The following FAT1 variants were observed in gnomAD, a reference collection of about 807,000 sequenced individuals.
FAT1 encodes protocadherin Fat 1.
A neutral mutation model predicts 329.8 loss-of-function variants in FAT1; 171 were observed. The observed-to-expected ratio is 0.52, with a 90% CI of 0.46 to 0.59. The LOEUF (loss-of-function observed/expected upper bound fraction) is 0.59. Among genes scored for constraint, FAT1 ranks in the 20% least tolerant of loss-of-function variants. The probability of loss-of-function intolerance (pLI) is 0.00; values close to 1 mark genes in which losing one functional copy is unlikely to be tolerated. For missense variants in FAT1, 5,672 were observed against 5,774.4 expected, an observed-to-expected ratio of 0.98 and a Z score of 0.57; for synonymous variants, 2,233 against 2,228.6, an observed-to-expected ratio of 1.00 and a Z score of -0.06.
rs544185419 is a variant in FAT1 at position 186,686,275 on chromosome 4, T to G, written c.3265+20288A>C. Among the ~76,000 whole-genome samples, 21 of 147,488 alleles carry G rather than the reference T, an allele frequency of 1.4e-4. No homozygotes were observed. In the South Asian group the frequency reaches 4.7e-3, roughly 33 times the overall value. ...CATTCTGAAGAAAACATGTAGCGATTTTTTTCCTGCATTCTTCCTCCACAT... is the reference window on the plus strand; with the variant it reads ...CATTCTGAAGAAAACATGTAGCGATGTTTTTCCTGCATTCTTCCTCCACAT... On this transcript the variant is annotated intron_variant, in intron 2 of 26. Transcript: ENST00000441802.
rs941170010 is a variant in FAT1 at position 186,613,152 on chromosome 4, C to T, written c.9420G>A (p.Pro3140=). ...CCTGCACTCTTGTCAGCAGCGTTCC[C>T]GGCTCTGTGTTTTCAAACACGGTGA... ...YAITVFENTE[P]GTLLTRVQAT... The change falls in exon 13 of 27, where the codon CCG becomes CCA. Residue 3140 remains proline (P), a synonymous_variant. Transcript: ENST00000441802. 1.4e-5 allele frequency: 22 copies of T among 1,613,200 alleles called. No homozygotes were observed. The highest frequency in any genetic ancestry group is 4.5e-5 in the East Asian group (2 of 44,868).
At chr4:186,719,943 T>G (rs1031855602) in intron 1 of FAT1, among the ~76,000 whole-genome samples, 22 of 152,352 alleles carry the variant, frequency 1.4e-4, no homozygotes, top group Admixed American at 1.2e-3. Context: ...ATTCTTTAGC[T>G]TGAAAATATT....
At chr4:186,649,754 T>C (rs1337410524) in intron 3 of FAT1, among the ~76,000 whole-genome samples, 1 of 152,192 alleles carries the variant, frequency 6.6e-6, no homozygotes, top group African/African-American at 2.4e-5. Context: ...CTCTGTCGTT[T>C]AAATTTATGG....
At position 186,620,652 on chromosome 4, in the gene FAT1, C is replaced by G; in HGVS notation, c.5934G>C (p.Lys1978Asn). 6.2e-7 allele frequency: 1 copy of G among 1,613,980 alleles called. No individual in the cohort carries two copies. Among genetic ancestry groups the G allele is most frequent in the South Asian group, 1.1e-5 (1 of 91,076 alleles). Residue 1978 changes from lysine (K) to asparagine (N), a missense_variant, in exon 10 of 27, where the codon AAG becomes AAC. Physicochemically the swap from Lys to Asn is moderately conservative, Grantham distance 94. Around this residue, in one of 2 missense-constraint regions of FAT1, gnomAD observed 3,966 missense variants for 3,915.2 expected, o/e 1.01. Transcript: ENST00000441802. ...CCGCAGAGTAGACATCCTGGGTAAA[C>G]TTTAGGTGACTTTCTTTGCTTTCTT... ...NVKESKESHLKFTQDVYSAVV... is the reference protein window; with the variant it reads ...NVKESKESHLNFTQDVYSAVV...
In FAT1 at chr4:186,589,071, C is replaced by T. The variant is rs2126355374; in HGVS notation, c.13288G>A (p.Asp4430Asn). The T allele has an allele frequency of 1.9e-6, 3 of 1,613,862 alleles. No homozygotes were observed. The highest frequency in any genetic ancestry group is 4.5e-5 in the East Asian group (2 of 44,864). ...IDTDYYPGGYDIESDFPPPPE... is the reference protein window; with the variant it reads ...IDTDYYPGGYNIESDFPPPPE... ...GGTGGAGGAAAATCACTTTCGATGT[C>T]GTAGCCTCCAGGGTAATAGTCCGTA... Residue 4430 changes from aspartate (D) to asparagine (N), a missense_variant, in exon 27 of 27, where the codon GAC (aspartate) becomes AAC (asparagine). Physicochemically the swap from Asp to Asn is conservative, Grantham distance 23 (BLOSUM62 1). Around this residue, in one of 2 missense-constraint regions of FAT1, gnomAD observed 1,706 missense variants for 1,859.1 expected, o/e 0.92. Coordinates refer to ENST00000441802, the MANE Select transcript of FAT1 (RefSeq NM_005245.4).
intron 2 of FAT1, among the ~76,000 whole-genome samples, chr4:186,697,802 T>G: frequency 6.6e-6 from 1 of 152,216 alleles, no homozygotes; most frequent in East Asian, 1.9e-4. Flanking sequence ...CTGGTCCTCC[T>G]TTATGAGAAT....
At chr4:186,687,405 A>AGAAC (rs1560992813) in intron 2 of FAT1, among the ~76,000 whole-genome samples, 23 of 152,284 alleles carry the variant, frequency 1.5e-4, no homozygotes, top group Admixed American at 7.2e-4. Context: ...AACAAAAAAA[A>AGAAC]AGAACAGCTT....
chr4:186,608,046 C>A (rs964578681), intron 16 of FAT1, among the ~76,000 whole-genome samples: 3 of 152,184 alleles, frequency 2.0e-5, no homozygotes, highest in African/African-American at 7.2e-5. Context: ...CTCTCCCATC[C>A]CTTACACGTT....
chr4:186,673,099 T>C (rs1216190436), intron 2 of FAT1, among the ~76,000 whole-genome samples: 1 of 151,048 alleles, frequency 6.6e-6, no homozygotes, highest in Admixed American at 6.5e-5. Context: ...ATATAAAATA[T>C]GATGCTACTG....
chr4:186,617,526 C>T (rs1264325751), intron 10 of FAT1, among the ~76,000 whole-genome samples, 182 bp downstream of exon 10: 3 of 152,164 alleles, frequency 2.0e-5, no homozygotes, highest in Non-Finnish European at 4.4e-5. Flanking sequence ...CAACTGGTAG[C>T]TTTGCTCAGG....
intron 2 of FAT1, among the ~76,000 whole-genome samples, chr4:186,667,608 C>T (rs1184155730): frequency 6.6e-6 from 1 of 152,134 alleles, no homozygotes; most frequent in Non-Finnish European, 1.5e-5. Flanking sequence ...ATTTCAACTG[C>T]CAAAGGGAGA....
chr4:186,662,031 C>A (rs180916148), intron 3 of FAT1, among the ~76,000 whole-genome samples: 6 of 151,212 alleles, frequency 4.0e-5, no homozygotes, highest in Non-Finnish European at 8.8e-5. Flanking sequence ...GGCCAGCCCC[C>A]CAAACACACA....
chr4:186,596,039 C>T lies in FAT1; in HGVS notation c.13001-213G>A, dbSNP rs1032005837. The stretch of plus-strand genomic sequence containing the variant: ...CCTCCACATCATCTTAGAGATTATT[C>T]ATAGAGTAGAAATCGCCCATAAGCA... On this transcript the variant is annotated intron_variant, in intron 25 of 26. Transcript: ENST00000441802. The surrounding 1 kb of genome is among the most constrained non-coding windows in gnomAD (Gnocchi z 4.7). Among the ~76,000 whole-genome samples, 2 of 152,078 alleles carry T rather than the reference C, an allele frequency of 1.3e-5. No homozygotes were observed. Among genetic ancestry groups the T allele is most frequent in the African/African-American group, 2.4e-5 (1 of 41,398 alleles).
At chr4:186,710,795 C>G (rs1394056128) in intron 1 of FAT1, among the ~76,000 whole-genome samples, 1 of 152,152 alleles carries the variant, frequency 6.6e-6, no homozygotes, top group Non-Finnish European at 1.5e-5. Flanking sequence ...CGTCAAGGGT[C>G]AAATCAGTCT....
At position 186,618,871 on chromosome 4, in the gene FAT1, T is replaced by G; in HGVS notation, c.7715A>C (p.Asp2572Ala). 1.9e-6 allele frequency: 3 copies of G among 1,614,024 alleles called. No homozygotes were observed. The highest frequency in any genetic ancestry group is 2.5e-6 in the Non-Finnish European group (3 of 1,179,898). Residue 2572 changes from aspartate (D) to alanine (A), a missense_variant, in exon 10 of 27, where the codon GAT becomes GCT. By Grantham distance (126) the Asp-to-Ala change is moderately radical. Transcript: ENST00000441802. ...GCAGAAAGCAACTTTTCCTCCAGCA[T>G]CCTTAGCCATTAAACGGACTGAGAT... ...KVISVRLMAKDAGGKVAFCTV... is the reference protein window; with the variant it reads ...KVISVRLMAKAAGGKVAFCTV...
At chr4:186,713,808 C>T (rs554970903) in intron 1 of FAT1, among the ~76,000 whole-genome samples, 11 of 152,080 alleles carry the variant, frequency 7.2e-5, no homozygotes, top group Non-Finnish European at 1.6e-4. Context: ...TAGATTTAGA[C>T]TGACAGAATT....
Position 186,701,929 on chromosome 4 carries a change from G to A in FAT1, c.3265+4634C>T, listed in dbSNP as rs115938024. Among the ~76,000 whole-genome samples the A allele has an allele frequency of 3.6e-3, 554 of 152,320 alleles. 4 individuals are homozygous for A. The highest frequency in any genetic ancestry group is 0.013 in the African/African-American group (521 of 41,568). Reference sequence around the variant, plus strand: ...CCACTGTAGAAACGCACTCACCTGTGTGCACCTAAGCCGGGCGGCCAGGAG... The same window carrying A: ...CCACTGTAGAAACGCACTCACCTGTATGCACCTAAGCCGGGCGGCCAGGAG... On this transcript the variant is annotated intron_variant, in intron 2 of 26. Coordinates refer to ENST00000441802, the MANE Select transcript of FAT1 (RefSeq NM_005245.4).
intron 2 of FAT1, among the ~76,000 whole-genome samples, chr4:186,674,868 T>C (rs1742882296): frequency 6.6e-6 from 1 of 151,862 alleles, no homozygotes; most frequent in Non-Finnish European, 1.5e-5. Context: ...ACCTCGTCTT[T>C]ACAAAAAATA....
rs1739396837 is a variant in FAT1, at chr4:186,610,694, T to TTTATATAAATATAAATTTATATAAA, written c.9854-680_9854-679insTTTATATAAATTTATATTTATATAA. Among the ~76,000 whole-genome samples the TTTATATAAATATAAATTTATATAAA allele has an allele frequency of 1.7e-4, 11 of 65,240 alleles. 1 individual carries two copies. The highest frequency in any genetic ancestry group is 1.6e-3 in the Admixed American group (10 of 6,428). 42.8% of individuals were successfully genotyped at this position (65,240 alleles called of 152,430 possible). Reference sequence around the variant, plus strand: ...ATTTATATAAATATAAATTATATAATTTATATAAATATAAATTTATATAAT... The same window carrying TTTATATAAATATAAATTTATATAAA: ...ATTTATATAAATATAAATTATATAATTTATATAAATATAAATTTATATAAATTATATAAATATAAATTTATATAAT... On this transcript the variant is annotated intron_variant, in intron 14 of 26. Coordinates refer to ENST00000441802, the MANE Select transcript of FAT1 (RefSeq NM_005245.4).
Sources: allele counts gnomAD v4.1 joint callset (sites outside exome capture counted in the v4.1 genomes callset), GRCh38; gene constraint gnomAD v4.1.1; regional missense constraint gnomAD v4.1.1; non-coding constraint Gnocchi (gnomAD v3.1); transcripts MANE v1.5; gene names NCBI Gene and HGNC (gene_info 2026-07-23, HGNC 2026-07-21).